RNLS: variants seen among roughly 807,000 people sequenced by gnomAD.
The protein encoded by RNLS is renalase.
In RNLS, 39 loss-of-function variants were observed where a neutral mutation model predicts 39.8. The observed-to-expected ratio is 0.98, with a 90% confidence interval of 0.76 to 1.28. The LOEUF (loss-of-function observed/expected upper bound fraction) is 1.28. RNLS is among the 50% of genes most tolerant of loss of function. The pLI is 0.00. For missense variants in RNLS, 410 were observed against 413.3 expected (o/e 0.99, Z 0.07); for synonymous variants, 147 against 150.7 (o/e 0.98, Z 0.18).
rs561065892 is a variant in RNLS, at chr10:88,293,806, G to C, written c.877-8300C>G. Among the ~76,000 whole-genome samples the C allele has an allele frequency of 2.6e-5, 4 of 152,280 alleles. No individual in the cohort carries two copies. In the South Asian group the frequency reaches 8.3e-4, roughly 32 times the overall value. On this transcript the variant is annotated intron_variant, in intron 6 of 6. Coordinates refer to ENST00000331772, the MANE Select transcript of RNLS (RefSeq NM_001031709.3). ...ATGAAAGGGAGAGATGGCGGCTAGG[G>C]AGGAGCTAATGTGAGCTTTGAAAAC...
chr10:88,242,572 GAACTTA>G, the RNLS span, among the ~76,000 whole-genome samples: 98 of 152,134 alleles, frequency 6.4e-4, no homozygotes, highest in Middle Eastern at 6.8e-3. Flanking sequence ...TCTCATCTAG[GAACTTA>G]AACTTTACAA....
At chr10:88,408,171 C>T (rs561438548) in intron 4 of RNLS, among the ~76,000 whole-genome samples, 123 of 152,194 alleles carry the variant, frequency 8.1e-4, no homozygotes, top group African/African-American at 2.4e-3. Context: ...ATAATCATGG[C>T]GGCTTTATGT....
chr10:88,172,845 T>TG, the RNLS span, among the ~76,000 whole-genome samples: 1 of 37,238 alleles, frequency 2.7e-5, no homozygotes, highest in Non-Finnish European at 5.2e-5. Context: ...TTGAGTTGTT[T>TG]TTTTTTTTTT....
chr10:88,482,362 T>C (rs1755557033), intron 4 of RNLS, among the ~76,000 whole-genome samples: 1 of 152,158 alleles, frequency 6.6e-6, no homozygotes, highest in Non-Finnish European at 1.5e-5. Flanking sequence ...GTTCTCCAGG[T>C]TGAATAATTT....
rs75981800 is a variant in RNLS, at chr10:88,313,454, T to C, written c.876+1012A>G. 1.2e-4 allele frequency among the ~76,000 whole-genome samples: 18 copies of C among 152,326 alleles called. No individual in the cohort carries two copies. The East Asian group carries it at 3.5e-3, about 29-fold the overall frequency. On this transcript the variant is annotated intron_variant, in intron 6 of 6. Coordinates refer to ENST00000331772, the MANE Select transcript of RNLS (RefSeq NM_001031709.3). ...ATGCTTTTAAAAGGAAAAAGTAAAGTCTTCTAAAGTGACCATGACATGCTT... is the reference window on the plus strand; with the variant it reads ...ATGCTTTTAAAAGGAAAAAGTAAAGCCTTCTAAAGTGACCATGACATGCTT...
intron 5 of RNLS, among the ~76,000 whole-genome samples, chr10:88,350,057 C>T (rs187035742): frequency 9.9e-4 from 151 of 152,110 alleles, no homozygotes; most frequent in Non-Finnish European, 1.7e-3. Context: ...AAAGCCCAAA[C>T]GGGAAACCTG....
intron 6 of RNLS, among the ~76,000 whole-genome samples, chr10:88,293,568 G>A (rs1843840670): frequency 6.6e-6 from 1 of 151,872 alleles, no homozygotes; most frequent in Non-Finnish European, 1.5e-5. Context: ...CTTTATTTTT[G>A]GGTTTATTCT....
intron 4 of RNLS, among the ~76,000 whole-genome samples, chr10:88,560,783 C>T (rs1177479233): frequency 6.6e-6 from 1 of 151,968 alleles, no homozygotes; most frequent in African/African-American, 2.4e-5. Flanking sequence ...CTAAACACTA[C>T]CCACTGGCCA....
At chr10:88,383,356 A>G (rs146366442) in intron 4 of RNLS, among the ~76,000 whole-genome samples, 1 of 152,254 alleles carries the variant, frequency 6.6e-6, no homozygotes, top group East Asian at 1.9e-4. Flanking sequence ...TTCTTTAAAA[A>G]TTCAACCTAA....
intron 4 of RNLS, among the ~76,000 whole-genome samples, chr10:88,526,297 C>T (rs1005443065): frequency 2.0e-5 from 3 of 150,692 alleles, no homozygotes; most frequent in African/African-American, 7.3e-5. Context: ...AATTGCAGAG[C>T]CTCTGCCCTG....
chr10:88,536,337 C>T (rs562984777), intron 4 of RNLS, among the ~76,000 whole-genome samples: 5 of 152,308 alleles, frequency 3.3e-5, no homozygotes, highest in African/African-American at 1.2e-4. Context: ...CCCACTTTCT[C>T]CTTTGCGCAA....
intron 3 of RNLS, among the ~76,000 whole-genome samples, chr10:88,576,162 C>T (rs1225700444): frequency 6.6e-6 from 1 of 152,202 alleles, no homozygotes; most frequent in Admixed American, 6.5e-5. Context: ...ATAATGCTCT[C>T]ACTCTTTCTT....
At chr10:88,256,070 T>A in the RNLS span, among the ~76,000 whole-genome samples, 1 of 152,150 alleles carries the variant, frequency 6.6e-6, no homozygotes, top group Non-Finnish European at 1.5e-5. Context: ...AACCAGCCCG[T>A]GGGGAATATT....
chr10:88,563,810 T>C (rs1297478400), intron 4 of RNLS, among the ~76,000 whole-genome samples: 1 of 152,166 alleles, frequency 6.6e-6, no homozygotes, highest in Non-Finnish European at 1.5e-5. Flanking sequence ...TCTATAAATG[T>C]ACTGGAACTT....
At chr10:88,444,331 C>A (rs1272676473) in intron 4 of RNLS, among the ~76,000 whole-genome samples, 1 of 152,114 alleles carries the variant, frequency 6.6e-6, no homozygotes, top group Non-Finnish European at 1.5e-5. Context: ...ACGTCACCAT[C>A]ATCAAAGACC....
chr10:88,495,497 T>G (rs1435897197), intron 4 of RNLS, among the ~76,000 whole-genome samples: 2 of 152,166 alleles, frequency 1.3e-5, no homozygotes, highest in East Asian at 3.8e-4. Flanking sequence ...AAAGTGTATA[T>G]AATACATCTG....
chr10:88,275,856 T>G (rs1265101891), intron 6 of RNLS, among the ~76,000 whole-genome samples: 1 of 151,734 alleles, frequency 6.6e-6, no homozygotes, highest in African/African-American at 2.4e-5. Flanking sequence ...GGAGTTTGAG[T>G]CTTACTTGGG....
chr10:88,499,468 A>C (rs996587700), intron 4 of RNLS, among the ~76,000 whole-genome samples: 2 of 152,096 alleles, frequency 1.3e-5, no homozygotes, highest in Non-Finnish European at 2.9e-5. Context: ...CGTAACAGAT[A>C]ATATGTTAGA....
intron 4 of RNLS, among the ~76,000 whole-genome samples, chr10:88,438,294 A>G (rs538718976): frequency 6.6e-6 from 1 of 152,308 alleles, no homozygotes; most frequent in Admixed American, 6.5e-5. Flanking sequence ...GAAAATAGAA[A>G]GAACCTGGAG....
Sources: gnomAD v4.1 joint callset for allele counts (sites outside exome capture counted in the v4.1 genomes callset) on GRCh38, gnomAD v4.1.1 for gene constraint, MANE v1.5 for transcripts, NCBI Gene and HGNC (gene_info 2026-07-23, HGNC 2026-07-21) for gene names.